The following SH3BGRL2 variants were observed in gnomAD, a reference collection of about 807,000 sequenced individuals.
SH3BGRL2 encodes the protein SH3 domain-binding glutamic acid-rich-like protein 2.
In SH3BGRL2, 21 loss-of-function variants were observed where a neutral mutation model predicts 14.8. The observed-to-expected ratio is 1.42, with a 90% CI of 1.01 to 2.05. The LOEUF (loss-of-function observed/expected upper bound fraction) is 2.05, where lower values mean the gene tolerates loss of function less well. Ranked by LOEUF, SH3BGRL2 falls within the 30% of genes most tolerant of loss-of-function variation. SH3BGRL2 has a pLI of 0.00. For missense variants in SH3BGRL2, 147 were observed against 130.8 expected (o/e 1.12, Z -0.61); for synonymous variants, 50 against 47.8 (o/e 1.05, Z -0.19).
At chr6:79,574,125 C>T in the SH3BGRL2 span, 3 of 152,334 alleles carry the variant, frequency 2.0e-5, no homozygotes, top group South Asian at 6.2e-4. Context: ...CAGAGCACAT[C>T]ATGTGGGAGA....
the SH3BGRL2 span, among the ~76,000 whole-genome samples, chr6:79,596,500 G>T: frequency 7.2e-5 from 11 of 152,262 alleles, no homozygotes; most frequent in South Asian, 1.2e-3. Context: ...TCACTATATT[G>T]CCCAGGCTGG....
the SH3BGRL2 span, among the ~76,000 whole-genome samples, chr6:79,555,598 C>T: frequency 6.6e-6 from 1 of 152,280 alleles, no homozygotes; most frequent in Non-Finnish European, 1.5e-5. Flanking sequence ...GAAACCTCCG[C>T]CTCCCGGGTT....
At chr6:79,621,946 G>A in the SH3BGRL2 span, among the ~76,000 whole-genome samples, 1 of 151,956 alleles carries the variant, frequency 6.6e-6, no homozygotes, top group South Asian at 2.1e-4. Context: ...CATATTTGAG[G>A]CTGTGGCAAT....
chr6:79,612,564 A>G, the SH3BGRL2 span, among the ~76,000 whole-genome samples: 1,074 of 152,294 alleles, frequency 7.1e-3, 10 homozygotes, highest in Non-Finnish European at 0.01. Context: ...CAGTGCTGCT[A>G]AAATACAAAC....
At chr6:79,602,119 C>T in the SH3BGRL2 span, among the ~76,000 whole-genome samples, 1 of 152,126 alleles carries the variant, frequency 6.6e-6, no homozygotes, top group Non-Finnish European at 1.5e-5. Flanking sequence ...AAAAAGGAAA[C>T]ATTCATTCAT....
At chr6:79,640,375 A>G (rs1769007204) in intron 1 of SH3BGRL2, among the ~76,000 whole-genome samples, 1 of 152,180 alleles carries the variant, frequency 6.6e-6, no homozygotes, top group Non-Finnish European at 1.5e-5. Context: ...TAAAGCTTGG[A>G]AAAGCACTTA....
intron 2 of SH3BGRL2, among the ~76,000 whole-genome samples, chr6:79,685,164 T>C (rs1770066968): frequency 6.6e-6 from 1 of 152,216 alleles, no homozygotes; most frequent in African/African-American, 2.4e-5. Flanking sequence ...GATGTGACTT[T>C]CATAAAAATG....
rs372558280 is a variant in SH3BGRL2, at chr6:79,644,518, A to G, written c.45+13012A>G. On this transcript the variant is annotated intron_variant, in intron 1 of 3. Coordinates refer to ENST00000369838, the MANE Select transcript of SH3BGRL2 (RefSeq NM_031469.4). ...CCATCTCTCTAATATTAGATTATTT[A>G]TATGTAAATTATTGAGAGAGCCTCA... 7.2e-5 allele frequency among the ~76,000 whole-genome samples: 11 copies of G among 152,282 alleles called. No homozygotes were observed. The East Asian group carries it at 7.7e-4, about 11-fold the overall frequency.
chr6:79,556,170 T>C, the SH3BGRL2 span, among the ~76,000 whole-genome samples: 3 of 152,184 alleles, frequency 2.0e-5, no homozygotes, highest in Non-Finnish European at 2.9e-5. Context: ...TAGTGAAAGA[T>C]GTTACACTCA....
At chr6:79,557,100 G>A in the SH3BGRL2 span, among the ~76,000 whole-genome samples, 2 of 151,416 alleles carry the variant, frequency 1.3e-5, no homozygotes, top group African/African-American at 2.4e-5. Context: ...AAGATAAAAC[G>A]TCAATTTATA....
At chr6:79,649,960 C>G (rs1769248918) in intron 1 of SH3BGRL2, among the ~76,000 whole-genome samples, 1 of 145,366 alleles carries the variant, frequency 6.9e-6, no homozygotes, top group Admixed American at 7.0e-5. Flanking sequence ...AATGCTAGTT[C>G]TTATGTACTC....
the SH3BGRL2 span, among the ~76,000 whole-genome samples, chr6:79,604,450 G>C: frequency 6.6e-6 from 1 of 152,164 alleles, no homozygotes; most frequent in African/African-American, 2.4e-5. Flanking sequence ...AAATGAGAAA[G>C]CATGTTGGAG....
chr6:79,601,297 T>A, the SH3BGRL2 span, among the ~76,000 whole-genome samples: 5 of 152,306 alleles, frequency 3.3e-5, no homozygotes, highest in African/African-American at 1.2e-4. Context: ...CAGGTGATCC[T>A]CCTGCCTCAG....
chr6:79,664,134 C>T (rs568934657), intron 1 of SH3BGRL2, among the ~76,000 whole-genome samples: 2 of 152,154 alleles, frequency 1.3e-5, no homozygotes, highest in Admixed American at 6.5e-5. Context: ...GGTGAGGTGA[C>T]GTCCCACCCT....
chr6:79,607,641 T>C, the SH3BGRL2 span, among the ~76,000 whole-genome samples: 3 of 152,092 alleles, frequency 2.0e-5, no homozygotes, highest in African/African-American at 7.2e-5. Flanking sequence ...TACTTGAGAC[T>C]GGGTAATTTA....
At chr6:79,640,293 G>A (rs1321785872) in intron 1 of SH3BGRL2, among the ~76,000 whole-genome samples, 3 of 152,092 alleles carry the variant, frequency 2.0e-5, no homozygotes, top group Non-Finnish European at 2.9e-5. Context: ...AGTGGACTGT[G>A]GTAATTTAAA....
chr6:79,565,921 C>A, the SH3BGRL2 span, among the ~76,000 whole-genome samples: 8 of 152,190 alleles, frequency 5.3e-5, no homozygotes, highest in African/African-American at 1.9e-4. Context: ...TCCTTCTATC[C>A]AGCTGATTAT....
At chr6:79,587,378 C>T in the SH3BGRL2 span, among the ~76,000 whole-genome samples, 1 of 152,060 alleles carries the variant, frequency 6.6e-6, no homozygotes, top group Non-Finnish European at 1.5e-5. Context: ...AGCTGTTACT[C>T]CAGTGGACAT....
the SH3BGRL2 span, among the ~76,000 whole-genome samples, chr6:79,607,683 G>A: frequency 6.6e-6 from 1 of 152,248 alleles, no homozygotes; most frequent in South Asian, 2.1e-4. Context: ...GGTGGCTCAC[G>A]CCTGTAATCC....
Sources: gnomAD v4.1 joint callset for allele counts (sites outside exome capture counted in the v4.1 genomes callset) on GRCh38, gnomAD v4.1.1 for gene constraint, MANE v1.5 for transcripts, NCBI Gene and HGNC (gene_info 2026-07-23, HGNC 2026-07-21) for gene names.